CREB1: variants seen among roughly 807,000 people sequenced by gnomAD.
CREB1 encodes cAMP responsive element binding protein 1.
A neutral mutation model predicts 42.0 loss-of-function variants in CREB1; 2 were observed. That is an observed-to-expected ratio of 0.05 (90% CI 0.02 to 0.15). The LOEUF is 0.15. Ranked by LOEUF, CREB1 falls within the 10% of genes least tolerant of loss-of-function variation. The pLI is 1.00. For missense variants in CREB1, 199 were observed against 388.9 expected (o/e 0.51, Z 4.11); for synonymous variants, 123 against 139.9 (o/e 0.88, Z 0.85).
rs2087853386 is a variant in CREB1, at chr2:207,605,018, T to C, written c.*7960T>C. 6.6e-6 allele frequency among the ~76,000 whole-genome samples: 1 copy of C among 152,236 alleles called. No homozygotes were observed. The highest frequency in any genetic ancestry group is 6.5e-5 in the Admixed American group (1 of 15,290). On this transcript the variant is annotated 3_prime_UTR_variant, in exon 8 of 8. Coordinates refer to ENST00000353267, the MANE Select transcript of CREB1 (RefSeq NM_004379.5). ...GTTTCTACTGTTTGGCTAATGTTCA[T>C]AGTGCTGTTATGAATGTTCGTGTAC... is the stretch of plus-strand genomic sequence containing the variant.
rs1429742295 is a variant in CREB1 at position 207,604,392 on chromosome 2, C to T, written c.*7334C>T. On this transcript the variant is annotated 3_prime_UTR_variant, in exon 8 of 8. Transcript: ENST00000353267. ...GGTTTTTCCATCTCGTAAGTGGTGC[C>T]ACTATCCATCTGTTAAATTGTTTAG... Among the ~76,000 whole-genome samples, 1 of 152,178 alleles carries T rather than the reference C, an allele frequency of 6.6e-6. No individual in the cohort carries two copies. The highest frequency in any genetic ancestry group is 1.5e-5 in the Non-Finnish European group (1 of 68,032).
intron 1 of CREB1, among the ~76,000 whole-genome samples, chr2:207,543,987 T>C (rs1368834699): frequency 6.6e-6 from 1 of 152,086 alleles, no homozygotes; most frequent in Non-Finnish European, 1.5e-5. Flanking sequence ...TGGCACCATC[T>C]CAGCTCACTG....
intron 1 of CREB1, among the ~76,000 whole-genome samples, chr2:207,540,360 G>T (rs986515626): frequency 2.0e-5 from 3 of 151,892 alleles, no homozygotes; most frequent in Admixed American, 1.3e-4. Context: ...TTAAAAAGTG[G>T]CCGGGAATGG....
intron 7 of CREB1, among the ~76,000 whole-genome samples, chr2:207,585,444 C>T (rs912326600): frequency 2.0e-5 from 3 of 152,148 alleles, no homozygotes; most frequent in African/African-American, 7.2e-5. Flanking sequence ...AAGTCTTTCT[C>T]TACAAAAGCC....
chr2:207,561,300 A>G (rs961743091), intron 3 of CREB1: 1 of 699,300 alleles, frequency 1.4e-6, no homozygotes, highest in Non-Finnish European at 2.4e-6. Context: ...TTCTGGGTCT[A>G]GGCCATACTT....
chr2:207,570,751 T>C (rs1039357228), intron 5 of CREB1, among the ~76,000 whole-genome samples: 14 of 152,240 alleles, frequency 9.2e-5, no homozygotes, highest in Non-Finnish European at 1.9e-4. Flanking sequence ...TCGTATTTAA[T>C]AATGTTTCAA....
chr2:207,542,855 C>G (rs2081149986), intron 1 of CREB1, among the ~76,000 whole-genome samples: 1 of 152,132 alleles, frequency 6.6e-6, no homozygotes, highest in African/African-American at 2.4e-5. Flanking sequence ...ATCCACCTAC[C>G]TCAGGCCTTC....
intron 3 of CREB1, among the ~76,000 whole-genome samples, chr2:207,564,489 AGT>A (rs1228470696): frequency 6.6e-6 from 1 of 151,494 alleles, no homozygotes; most frequent in African/African-American, 2.4e-5. Context: ...AGCCTCGGTG[AGT>A]GAGTGAGATC....
chr2:207,578,981 T>G (rs1186827601), intron 7 of CREB1, among the ~76,000 whole-genome samples: 1 of 152,094 alleles, frequency 6.6e-6, no homozygotes, highest in Non-Finnish European at 1.5e-5. Context: ...AGAGACATGA[T>G]TTCACTATTT....
chr2:207,565,680 G>C (rs1211463709), intron 3 of CREB1, among the ~76,000 whole-genome samples: 1 of 152,102 alleles, frequency 6.6e-6, no homozygotes, highest in Non-Finnish European at 1.5e-5. Flanking sequence ...ATGTCCTTAA[G>C]AGAAGCATGT....
At position 207,601,604 on chromosome 2, in the gene CREB1, A is replaced by T. The variant is rs1180272614; in HGVS notation, c.*4546A>T. On this transcript the variant is annotated 3_prime_UTR_variant, in exon 8 of 8. Transcript: ENST00000353267. ...ATCCTCATCACAACATTAATACTGT[A>T]CATAGTATGCCAAAATATCCATTAA... is the stretch of plus-strand genomic sequence containing the variant. 4.3e-5 allele frequency: 9 copies of T among 207,556 alleles called. No homozygotes were observed. The highest frequency in any genetic ancestry group is 2.0e-4 in the African/African-American group (9 of 43,980). The allele number at this position is 207,556 out of a possible 1,614,324, so 12.9% of individuals were successfully genotyped here. A position where few individuals can be genotyped will look rare whatever the true frequency, so the allele number is the denominator to read the frequency against.
intron 1 of CREB1, among the ~76,000 whole-genome samples, chr2:207,541,376 ATTT>A (rs2081093990): frequency 6.6e-6 from 1 of 152,244 alleles, no homozygotes; most frequent in Admixed American, 6.5e-5. Context: ...CAGATGTACC[ATTT>A]TTTATCTTTT....
At chr2:207,592,233 C>T (rs962454422) in intron 7 of CREB1, among the ~76,000 whole-genome samples, 2 of 151,936 alleles carry the variant, frequency 1.3e-5, no homozygotes, top group Non-Finnish European at 2.9e-5. Context: ...TGGTGAAACC[C>T]TCTCTCTACT....
chr2:207,572,840 CAAATT>C (rs1430064962), intron 5 of CREB1, among the ~76,000 whole-genome samples: 1 of 151,656 alleles, frequency 6.6e-6, no homozygotes, highest in African/African-American at 2.4e-5. Context: ...GTGGAATTAT[CAAATT>C]AAAGCATATC....
At chr2:207,537,745 C>G (rs1416890657) in intron 1 of CREB1, among the ~76,000 whole-genome samples, 3 of 152,156 alleles carry the variant, frequency 2.0e-5, no homozygotes, top group Non-Finnish European at 4.4e-5. Context: ...TATATACACA[C>G]TCTTGTCTTA....
intron 5 of CREB1, among the ~76,000 whole-genome samples, chr2:207,571,230 C>A (rs371165974): frequency 2.4e-4 from 37 of 152,018 alleles, no homozygotes; most frequent in Admixed American, 1.2e-3. Context: ...AAGTTTGAGG[C>A]CAGGCACAGT....
chr2:207,544,735 G>A (rs1177008772), intron 1 of CREB1, among the ~76,000 whole-genome samples: 1 of 151,986 alleles, frequency 6.6e-6, no homozygotes, highest in Non-Finnish European at 1.5e-5. Flanking sequence ...CCTCTGACAG[G>A]CCCCAGTGTG....
intron 1 of CREB1, among the ~76,000 whole-genome samples, chr2:207,552,729 C>T (rs1344378800): frequency 2.6e-5 from 4 of 151,848 alleles, no homozygotes; most frequent in Non-Finnish European, 5.9e-5. Flanking sequence ...CCTCAGCCTC[C>T]CAAATATCCC....
intron 5 of CREB1, chr2:207,571,879 C>A: frequency 5.8e-6 from 2 of 347,490 alleles, no homozygotes; most frequent in South Asian, 4.2e-5. Flanking sequence ...TACCAGCACC[C>A]CCATAGATGT....
Sources: gnomAD v4.1 joint callset for allele counts (sites outside exome capture counted in the v4.1 genomes callset) on GRCh38, gnomAD v4.1.1 for gene constraint, MANE v1.5 for transcripts, NCBI Gene and HGNC (gene_info 2026-07-23, HGNC 2026-07-21) for gene names.